Variants in SYMPK observed in about 807,000 individuals in gnomAD.
SYMPK encodes symplekin scaffold protein, also known as symplekin.
A neutral mutation model predicts 136.4 loss-of-function variants in SYMPK; 49 were observed. The ratio of observed to expected loss-of-function variants is 0.36; its 90% CI spans 0.29 to 0.46. The LOEUF (loss-of-function observed/expected upper bound fraction) is 0.46. Among genes scored for constraint, SYMPK ranks in the 20% least tolerant of loss-of-function variants. The pLI, the probability that SYMPK is intolerant of heterozygous loss-of-function variation, is 1.00. For synonymous variants in SYMPK, 766 were observed against 713.0 expected (o/e 1.07, Z -1.19); for missense variants, 1,365 against 1,690.0 (o/e 0.81, Z 3.37).
At chr19:45,843,051 A>G (rs761117432) in intron 8 of SYMPK, 1 of 153,476 alleles carries the variant, frequency 6.5e-6, no homozygotes, top group Non-Finnish European at 1.5e-5. Flanking sequence ...ACCTGGGGCC[A>G]GTGAGAATAC....
chr19:45,859,953 TAA>T (rs61203536), intron 1 of SYMPK, among the ~76,000 whole-genome samples: 1,394 of 85,638 alleles, frequency 0.016, 58 homozygotes, highest in African/African-American at 0.057. Flanking sequence ...AGACTCCATC[TAA>T]AAAAAAAAAA....
chr19:45,828,284 G>A (rs1971092978), intron 14 of SYMPK: 2 of 245,870 alleles, frequency 8.1e-6, no homozygotes, highest in African/African-American at 4.8e-5. Context: ...TGGTGGATGA[G>A]AAGGAGCCAC....
chr19:45,835,234 G>A lies in SYMPK; in HGVS notation c.1243-6C>T, dbSNP rs7256192. 0.34 allele frequency: 531,050 copies of A among 1,571,800 alleles called. 91,740 individuals are homozygous for A. Among genetic ancestry groups the A allele is most frequent in the Middle Eastern group, 0.38 (2,202 of 5,834 alleles). ...TACACCATGCTGATGAGGACCTGTG[G>A]GATGCCCAGGAAGAGAGCCTCTCCT... On this transcript the variant is annotated splice_region_variant and splice_polypyrimidine_tract_variant and intron_variant, in intron 10 of 26. Coordinates refer to ENST00000245934, the MANE Select transcript of SYMPK (RefSeq NM_004819.3).
At position 45,821,505 on chromosome 19, in the gene SYMPK, G is replaced by C. The variant is rs1970894040; in HGVS notation, c.2792-20C>G. On this transcript the variant is annotated intron_variant, in intron 21 of 26. Coordinates refer to ENST00000245934, the MANE Select transcript of SYMPK (RefSeq NM_004819.3). The surrounding 1 kb of genome is among the most constrained non-coding windows in gnomAD (Gnocchi z 4.4). ...CCTCACCTGCAGCAGGCGGGAGGAA[G>C]GGTGGGGGAAGACAGTGCGGACGCA... The C allele has an allele frequency of 6.4e-7, 1 of 1,572,550 alleles. No homozygotes were observed. The highest frequency in any genetic ancestry group is 1.1e-5 in the South Asian group (1 of 90,224).
rs764615514 is a variant in SYMPK at position 45,827,917 on chromosome 19, T to G, written c.1987A>C (p.Ile663Leu). The G allele has an allele frequency of 1.9e-5, 30 of 1,613,610 alleles. No individual in the cohort carries two copies. Among genetic ancestry groups the G allele is most frequent in the Non-Finnish European group, 6.8e-6 (8 of 1,179,980 alleles). The part of the protein sequence containing the change: ...LQEKPDQKDG[I>L]FTKVVLEAPL... ...GCCTCCAGCACAACCTTGGTGAAGA[T>G]CCTGCCAGAGATGGAGGGAGGGCCA... The change falls in exon 15 of 27, where the codon ATC becomes CTC. Residue 663 changes from isoleucine (I) to leucine (L), a missense_variant and splice_region_variant. Physicochemically the swap from Ile to Leu is conservative, Grantham distance 5 (BLOSUM62 2). Around this residue, in one of 11 missense-constraint regions of SYMPK, gnomAD observed 303 missense variants for 326.6 expected, o/e 0.93. Coordinates refer to ENST00000245934, the MANE Select transcript of SYMPK (RefSeq NM_004819.3).
chr19:45,818,222 G>C, intron 22 of SYMPK, 76 bp from the exon 23 acceptor site: 1 of 1,410,768 alleles, frequency 7.1e-7, no homozygotes, highest in Non-Finnish European at 9.5e-7. Flanking sequence ...GGCCTCTGCT[G>C]TCTGCCCATG....
Position 45,829,088 on chromosome 19 carries a change from G to GCCAGGCGAAGGCCAGGT in SYMPK, c.1850_1866dup (p.Leu623ThrfsTer86), listed in dbSNP as rs1971111961. 1 of 1,614,216 alleles carries GCCAGGCGAAGGCCAGGT rather than the reference G, an allele frequency of 6.2e-7. No individual in the cohort carries two copies. The highest frequency in any genetic ancestry group is 8.5e-7 in the Non-Finnish European group (1 of 1,180,052). On this transcript the variant is annotated frameshift_variant, in exon 14 of 27. Coordinates refer to ENST00000245934, the MANE Select transcript of SYMPK (RefSeq NM_004819.3). LOFTEE classifies it high-confidence loss of function. ...AGGTAGGCGTTGTACTCCTGGTAGA[G>GCCAGGCGAAGGCCAGGT]CCAGGCGAAGGCCAGGTCCAGGCGG...
Position 45,815,864 on chromosome 19 carries a change from C to A in SYMPK, c.3674G>T (p.Gly1225Val). 2 of 1,611,882 alleles carry A rather than the reference C, an allele frequency of 1.2e-6. No homozygotes were observed. Among genetic ancestry groups the A allele is most frequent in the Non-Finnish European group, 1.7e-6 (2 of 1,179,684 alleles). Residue 1225 changes from glycine (G) to valine (V), a missense_variant, in exon 26 of 27, where the codon GGC (glycine) becomes GTC (valine). By Grantham distance (109) the Gly-to-Val change is moderately radical. This residue lies in a region of SYMPK where 341 missense variants were observed against 270.5 expected (regional missense o/e 1.26). Transcript: ENST00000245934. ...EAALLDSSLE[G>V]PLPKETAAGG... ...TGCTCTCCCTACCTTGGGTAGGGGG[C>A]CCTCGAGACTAGAGTCCAACAGCGC...
chr19:45,847,812 G>A lies in SYMPK; in HGVS notation c.616C>T (p.Arg206Cys), dbSNP rs778659035. 4.5e-5 allele frequency: 73 copies of A among 1,613,998 alleles called. No individual in the cohort carries two copies. The highest frequency in any genetic ancestry group is 1.1e-4 in the East Asian group (5 of 44,894). ...TCCAGGCTGATATCATGCTCCTGGC[G>A]TCGGGGTATCTCTGAGTCAGCCATG... ...PRMADSEIPR[R>C]QEHDISLDRI... is the part of the protein sequence containing the mutation. Residue 206 changes from arginine to cysteine, a missense_variant, in exon 7 of 27, where the codon CGC (arginine) becomes TGC (cysteine). This residue lies in a region of SYMPK where 237 missense variants were observed against 292.9 expected (regional missense o/e 0.81). Transcript: ENST00000245934.
At chr19:45,842,863 G>T (rs1418650430) in intron 8 of SYMPK, 3 of 217,544 alleles carry the variant, frequency 1.4e-5, no homozygotes, top group African/African-American at 2.3e-5. Context: ...TCTCCCTGAC[G>T]CCAGGATGAC....
At chr19:45,827,797 T>C in intron 15 of SYMPK, 40 bp downstream of exon 15, 1 of 1,589,892 alleles carries the variant, frequency 6.3e-7, no homozygotes, top group South Asian at 1.1e-5. Context: ...CAGGGCCCTG[T>C]CCCCTGCCCC....
intron 8 of SYMPK, 96 bp from the exon 9 acceptor site, chr19:45,842,585 A>G (rs1288616866): frequency 3.3e-6 from 5 of 1,530,870 alleles, no homozygotes; most frequent in Non-Finnish European, 4.4e-6. Flanking sequence ...GTGGTCTTGC[A>G]GGCATCTACT....
Position 45,825,159 on chromosome 19 carries a change from CA to C in SYMPK, c.2490+11del. On this transcript the variant is annotated intron_variant, in intron 18 of 26. Transcript: ENST00000245934. ...GTGGGTGGGCAGGGCCTGGTGGGCT[CA>C]GGGGCCTCACCGGCTGCTCAATGAC... 6.2e-7 allele frequency: 1 copy of C among 1,610,074 alleles called. No individual in the cohort carries two copies. The highest frequency in any genetic ancestry group is 1.1e-5 in the South Asian group (1 of 90,590).
intron 5 of SYMPK, among the ~76,000 whole-genome samples, chr19:45,851,927 T>C (rs1039012224): frequency 6.6e-6 from 1 of 152,064 alleles, no homozygotes; most frequent in Non-Finnish European, 1.5e-5. Context: ...TTTTGTTATA[T>C]GAATTTCAAT....
chr19:45,850,223 C>T (rs1029735818), intron 5 of SYMPK, among the ~76,000 whole-genome samples: 2 of 151,892 alleles, frequency 1.3e-5, no homozygotes, highest in African/African-American at 4.8e-5. Flanking sequence ...CCAGTCTGGC[C>T]GACAGAGTGA....
chr19:45,844,001 CA>C (rs1971504826), intron 8 of SYMPK, 28 bp downstream of exon 8: 1 of 1,200,300 alleles, frequency 8.3e-7, no homozygotes, highest in African/African-American at 1.7e-5. Context: ...GAAGAGAAGG[CA>C]GGGGGAGGGG....
At position 45,821,433 on chromosome 19, in the gene SYMPK, T is replaced by G. The variant is rs771439421; in HGVS notation, c.2844A>C (p.Ala948=). The change falls in exon 22 of 27, where the codon GCA becomes GCC. Residue 948 remains alanine, a synonymous_variant. Transcript: ENST00000245934. This position sits in a 1 kb window ranked among gnomAD's most constrained non-coding sequence, Gnocchi z 4.4. ...ACTTCACGGAGTCAATGTTGTGTAA[T>G]GCGATCAGGAGCTCTCCAGGGTTCA... ...SPLNPGELLI[A]LHNIDSVKCD... is the part of the protein sequence containing the mutation. 1.2e-6 allele frequency: 2 copies of G among 1,613,870 alleles called. No individual in the cohort carries two copies. Among genetic ancestry groups the G allele is most frequent in the African/African-American group, 1.3e-5 (1 of 74,830 alleles).
chr19:45,830,360 G>A (rs1971139151), intron 12 of SYMPK, 156 bp from the exon 13 acceptor site: 3 of 860,298 alleles, frequency 3.5e-6, no homozygotes, highest in Admixed American at 5.6e-5. Flanking sequence ...GGCACGGTGT[G>A]GCGGTGGGTA....
intron 9 of SYMPK, among the ~76,000 whole-genome samples, chr19:45,838,978 C>G (rs1971372087): frequency 2.0e-5 from 3 of 152,302 alleles, no homozygotes; most frequent in South Asian, 4.1e-4. Flanking sequence ...CCTCCGCCTC[C>G]CAGGTTCAAG....
Sources: allele counts gnomAD v4.1 joint callset (sites outside exome capture counted in the v4.1 genomes callset), GRCh38; gene constraint gnomAD v4.1.1; regional missense constraint gnomAD v4.1.1; non-coding constraint Gnocchi (gnomAD v3.1); transcripts MANE v1.5; gene names NCBI Gene and HGNC (gene_info 2026-07-23, HGNC 2026-07-21).